Variants in MMP25 observed in about 807,000 individuals in gnomAD.
The protein encoded by MMP25 is matrix metalloproteinase-25.
A neutral mutation model predicts 62.1 loss-of-function variants in MMP25; 68 were observed. That is an observed-to-expected ratio of 1.10 (90% CI 0.90 to 1.34). The LOEUF is 1.34. Ranked by LOEUF, MMP25 falls within the 40% of genes most tolerant of loss-of-function variation. The pLI is 0.00. For synonymous variants in MMP25, 407 were observed against 345.6 expected (o/e 1.18, Z -1.97); for missense variants, 942 against 792.5 (o/e 1.19, Z -2.26).
At chr16:3,048,989 G>A (rs1318762742) in intron 2 of MMP25, among the ~76,000 whole-genome samples, 4 of 151,912 alleles carry the variant, frequency 2.6e-5, no homozygotes, top group African/African-American at 9.7e-5. Context: ...TGTATGTTTA[G>A]TAGAGACAGG....
intron 4 of MMP25, among the ~76,000 whole-genome samples, chr16:3,050,783 T>G (rs1003910945): frequency 2.6e-5 from 4 of 152,142 alleles, no homozygotes; most frequent in African/African-American, 4.8e-5. Flanking sequence ...TGGCTATTTT[T>G]TTTGTTTGTT....
chr16:3,057,206 T>G lies in MMP25; in HGVS notation c.835T>G (p.Tyr279Asp). The G allele has an allele frequency of 6.2e-7, 1 of 1,612,984 alleles. No homozygotes were observed. The highest frequency in any genetic ancestry group is 1.7e-4 in the Middle Eastern group (1 of 6,058). ...TGACCGCGATGGCCTGCAGCAACTCTATGGTAGGGGGAGAGGGACCTGCCG... is the reference window on the plus strand; with the variant it reads ...TGACCGCGATGGCCTGCAGCAACTCGATGGTAGGGGGAGAGGGACCTGCCG... ...QDDRDGLQQL[Y>D]GKAPQTPYDK... is the part of the protein sequence containing the mutation. The change falls in exon 5 of 10, where the codon TAT (tyrosine) becomes GAT (aspartate). Residue 279 changes from tyrosine to aspartate, a missense_variant. Physicochemically the swap from Tyr to Asp is radical, Grantham distance 160. Coordinates refer to ENST00000336577, the MANE Select transcript of MMP25 (RefSeq NM_022468.5).
At position 3,058,662 on chromosome 16, in the gene MMP25, C is replaced by G. The variant is rs751951982; in HGVS notation, c.1410C>G (p.Ser470Arg). Residue 470 changes from serine to arginine, a missense_variant, in exon 9 of 10, where the codon AGC becomes AGG. Ser to Arg is a moderately radical substitution (Grantham distance 110). Coordinates refer to ENST00000336577, the MANE Select transcript of MMP25 (RefSeq NM_022468.5). ...CCTCCCCTGACGATGTCACCGTCAG[C>G]AACGCAGGTGGGGAGCGCGGTGACC... The part of the protein sequence containing the change: ...APPSPDDVTV[S>R]NAGDTYFFKG... 6.3e-7 allele frequency: 1 copy of G among 1,598,878 alleles called. No homozygotes were observed. The highest frequency in any genetic ancestry group is 1.1e-5 in the South Asian group (1 of 89,844).
rs202014083 is a variant in MMP25 at position 3,060,040 on chromosome 16, G to C, written c.*942G>C. 1 of 152,246 alleles carries C rather than the reference G, an allele frequency of 6.6e-6. No homozygotes were observed. Among genetic ancestry groups the C allele is most frequent in the Non-Finnish European group, 1.5e-5 (1 of 68,156 alleles). The allele number at this position is 152,246 out of a possible 1,614,324, so 9.4% of individuals were successfully genotyped here. A position where few individuals can be genotyped will look rare whatever the true frequency, so the allele number is the denominator to read the frequency against. On this transcript the variant is annotated 3_prime_UTR_variant, in exon 10 of 10. Transcript: ENST00000336577. The stretch of plus-strand genomic sequence containing the variant: ...CAACGCTGGTGGAAAGACAGGGACC[G>C]AACCCTGGCTCAGGCCTGGTCATTG...
At chr16:3,054,411 G>A (rs1368613656) in intron 4 of MMP25, 1 of 136,004 alleles carries the variant, frequency 7.4e-6, no homozygotes, top group Non-Finnish European at 1.6e-5. Flanking sequence ...CATGCACAGA[G>A]GCAGGGATGG....
Position 3,047,826 on chromosome 16 carries a change from C to G in MMP25, c.232+279C>G, listed in dbSNP as rs1051006735. 4.7e-5 allele frequency among the ~76,000 whole-genome samples: 7 copies of G among 149,354 alleles called. No individual in the cohort carries two copies. In the East Asian group the frequency reaches 5.9e-4, roughly 12 times the overall value. On this transcript the variant is annotated intron_variant, in intron 2 of 9. Coordinates refer to ENST00000336577, the MANE Select transcript of MMP25 (RefSeq NM_022468.5). ...CTTGGCCAACAAAGTGAGACCCCCC[C>G]ACTCTCCAAGGATTTTTTTTTTTTT...
In MMP25 at chr16:3,060,155, C is replaced by A. The variant is rs1956089248; in HGVS notation, c.*1057C>A. ...CACCTCGTTCACCCTGTCCCCACTC[C>A]CCACAGTTTTAGGATCTAAATGATT... On this transcript the variant is annotated 3_prime_UTR_variant, in exon 10 of 10. Transcript: ENST00000336577. The A allele has an allele frequency of 6.6e-6, 1 of 152,200 alleles. No individual in the cohort carries two copies. The highest frequency in any genetic ancestry group is 1.5e-5 in the Non-Finnish European group (1 of 68,094). The allele number at this position is 152,200 out of a possible 1,614,324, so 9.4% of individuals were successfully genotyped here.
At position 3,047,515 on chromosome 16, in the gene MMP25, G is replaced by C; in HGVS notation, c.200G>C (p.Arg67Thr). 1 of 1,613,738 alleles carries C rather than the reference G, an allele frequency of 6.2e-7. No individual in the cohort carries two copies. Among genetic ancestry groups the C allele is most frequent in the Non-Finnish European group, 8.5e-7 (1 of 1,179,944 alleles). ...KLRDAIKVMQ[R>T]FAGLPETGRM... ...CGCGATGCCATCAAAGTCATGCAGA[G>C]GTTCGCGGGGCTGCCGGAGACCGGC... Residue 67 changes from arginine (R) to threonine (T), a missense_variant, in exon 2 of 10, where the codon AGG (arginine) becomes ACG (threonine). Coordinates refer to ENST00000336577, the MANE Select transcript of MMP25 (RefSeq NM_022468.5).
rs772077744 is a variant in MMP25, at chr16:3,058,630, G to A, written c.1378G>A (p.Ala460Thr). The A allele has an allele frequency of 3.7e-6, 6 of 1,605,676 alleles. No homozygotes were observed. The highest frequency in any genetic ancestry group is 5.1e-6 in the Non-Finnish European group (6 of 1,176,978). ...YPRDLSLWEG[A>T]PPSPDDVTVS... is the part of the protein sequence containing the mutation. ...TCGCGACCTGAGCCTCTGGGAAGGC[G>A]CGCCCCCCTCCCCTGACGATGTCAC... Residue 460 changes from alanine to threonine, a missense_variant, in exon 9 of 10, where the codon GCG becomes ACG. Coordinates refer to ENST00000336577, the MANE Select transcript of MMP25 (RefSeq NM_022468.5).
At chr16:3,055,648 G>T in intron 4 of MMP25, 1 of 346,800 alleles carries the variant, frequency 2.9e-6, no homozygotes, top group Non-Finnish European at 5.8e-6. Flanking sequence ...ATGCTTAGAC[G>T]CTCAGCGAGT....
chr16:3,050,779 T>A (rs550667113), intron 4 of MMP25, among the ~76,000 whole-genome samples: 1 of 151,304 alleles, frequency 6.6e-6, no homozygotes. Flanking sequence ...TACCTGGCTA[T>A]TTTTTTTGTT....
Position 3,058,408 on chromosome 16 carries a change from GC to G in MMP25, c.1160-3del. 6.5e-7 allele frequency: 1 copy of G among 1,543,354 alleles called. No individual in the cohort carries two copies. The highest frequency in any genetic ancestry group is 8.7e-7 in the Non-Finnish European group (1 of 1,144,640). On this transcript the variant is annotated splice_polypyrimidine_tract_variant and splice_region_variant and intron_variant, in intron 8 of 9. Coordinates refer to ENST00000336577, the MANE Select transcript of MMP25 (RefSeq NM_022468.5). ...CCCCTGACCTCCCGGCCTCCACCCTGCAGGGCCCCAGTTCTGGGTGTTCCAG... is the reference window on the plus strand; with the variant it reads ...CCCCTGACCTCCCGGCCTCCACCCTGAGGGCCCCAGTTCTGGGTGTTCCAG...
In MMP25 at chr16:3,057,827, T is replaced by C. The variant is rs990213845; in HGVS notation, c.1006+214T>C. 13 of 602,682 alleles carry C rather than the reference T, an allele frequency of 2.2e-5. No homozygotes were observed. In the East Asian group the frequency reaches 3.4e-4, roughly 16 times the overall value. 37.3% of individuals were successfully genotyped at this position (602,682 alleles called of 1,614,324 possible). ...GATCCTCCCACCTCAGCCTCCCTGG[T>C]AGCTGGGACCACAGGCACATGCCAC... On this transcript the variant is annotated intron_variant, in intron 7 of 9. Transcript: ENST00000336577.
chr16:3,058,250 T>C lies in MMP25; in HGVS notation c.1076T>C (p.Phe359Ser). Residue 359 changes from phenylalanine (F) to serine (S), a missense_variant, in exon 8 of 10, where the codon TTC becomes TCC. By Grantham distance (155) the Phe-to-Ser change is radical (BLOSUM62 -2). Transcript: ENST00000336577. The stretch of plus-strand genomic sequence containing the variant: ...CCGCGACCCGCACGGCTGCACCGCT[T>C]CTGGGAGGGGCTGCCCGCCCAGGTG... Reference protein sequence around the residue: ...VSPRPARLHRFWEGLPAQVRV... With the variant: ...VSPRPARLHRSWEGLPAQVRV... The C allele has an allele frequency of 6.2e-7, 1 of 1,611,850 alleles. No homozygotes were observed. Among genetic ancestry groups the C allele is most frequent in the East Asian group, 2.2e-5 (1 of 44,730 alleles).
chr16:3,053,096 G>T (rs1276377324), intron 4 of MMP25: 1 of 152,082 alleles, frequency 6.6e-6, no homozygotes, highest in African/African-American at 2.4e-5. Context: ...GGGGGAAGGG[G>T]GCAGCCAGGG....
Position 3,059,303 on chromosome 16 carries a change from G to A in MMP25, c.*205G>A, listed in dbSNP as rs529909674. The A allele has an allele frequency of 5.7e-6, 3 of 522,608 alleles. No homozygotes were observed. The highest frequency in any genetic ancestry group is 3.9e-5 in the Admixed American group (1 of 25,362). 32.4% of individuals were successfully genotyped at this position (522,608 alleles called of 1,614,324 possible). A position where few individuals can be genotyped will look rare whatever the true frequency, so the allele number is the denominator to read the frequency against. ...CCTGGCGCTGGGCTCAGTCTCCTCA[G>A]GGTCTGAGACCCCGGCGCTGCCACC... On this transcript the variant is annotated 3_prime_UTR_variant, in exon 10 of 10. Transcript: ENST00000336577.
chr16:3,058,353 G>C lies in MMP25; in HGVS notation c.1159+20G>C. The stretch of plus-strand genomic sequence containing the variant: ...TTAGCGGTGAGTGGGGCCGGCGGCG[G>C]GGCGCGCTGGGGCCGGCGCGGGGAG... On this transcript the variant is annotated intron_variant, in intron 8 of 9. Coordinates refer to ENST00000336577, the MANE Select transcript of MMP25 (RefSeq NM_022468.5). 6.6e-7 allele frequency: 1 copy of C among 1,516,300 alleles called. No homozygotes were observed. The highest frequency in any genetic ancestry group is 8.8e-7 in the Non-Finnish European group (1 of 1,134,350). 93.9% of individuals were successfully genotyped at this position (1,516,300 alleles called of 1,614,324 possible).
In MMP25 at chr16:3,046,675, T is replaced by TCCTGGGATTCCTG. The variant is rs1394522517; in HGVS notation, c.-232_-231insTGCCTGGGATTCC. 3.1e-6 allele frequency: 1 copy of TCCTGGGATTCCTG among 327,098 alleles called. No individual in the cohort carries two copies. The highest frequency in any genetic ancestry group is 5.5e-6 in the Non-Finnish European group (1 of 180,288). The allele number at this position is 327,098 out of a possible 1,614,324, so 20.3% of individuals were successfully genotyped here. The stretch of plus-strand genomic sequence containing the variant: ...CGCCGCTCCCGCGCCCTCTCAACCA[T>TCCTGGGATTCCTG]CCTGGGATTCCCGGGCCCACCCGAC... On this transcript the variant is annotated 5_prime_UTR_variant, in exon 1 of 10. Transcript: ENST00000336577.
Position 3,059,204 on chromosome 16 carries a change from A to C in MMP25, c.*106A>C. On this transcript the variant is annotated 3_prime_UTR_variant, in exon 10 of 10. Transcript: ENST00000336577. ...CTGCGGAGGCCCCTTGTCTGTTCCCACGGACGGGGGCTCGGGCGCGGACTA... is the reference window on the plus strand; with the variant it reads ...CTGCGGAGGCCCCTTGTCTGTTCCCCCGGACGGGGGCTCGGGCGCGGACTA... The C allele has an allele frequency of 1.5e-6, 2 of 1,307,920 alleles. No homozygotes were observed. Among genetic ancestry groups the C allele is most frequent in the Non-Finnish European group, 2.0e-6 (2 of 994,154 alleles). 81.0% of individuals were successfully genotyped at this position (1,307,920 alleles called of 1,614,324 possible).
Sources: gnomAD v4.1 joint callset for allele counts (sites outside exome capture counted in the v4.1 genomes callset) on GRCh38, gnomAD v4.1.1 for gene constraint, MANE v1.5 for transcripts, NCBI Gene and HGNC (gene_info 2026-07-23, HGNC 2026-07-21) for gene names.